Variants in RAPGEF6 observed in about 807,000 individuals in gnomAD.
RAPGEF6 encodes the protein Rap guanine nucleotide exchange factor 6.
RAPGEF6 carries 56 observed loss-of-function variants against 171.4 expected under a neutral mutation model. The observed-to-expected ratio is 0.33, with a 90% confidence interval of 0.26 to 0.41. The LOEUF is 0.41. RAPGEF6 is among the 10% of genes least tolerant of loss of function. The pLI is 1.00. For synonymous variants in RAPGEF6, 692 were observed against 650.1 expected (o/e 1.06, Z -0.98); for missense variants, 1,674 against 1,921.4 (o/e 0.87, Z 2.41).
intron 3 of RAPGEF6, among the ~76,000 whole-genome samples, chr5:131,601,176 G>A (rs1056587006): frequency 2.0e-5 from 3 of 151,430 alleles, no homozygotes; most frequent in African/African-American, 4.8e-5. Flanking sequence ...CTGAGGTCAC[G>A]AGTTCAAGAC....
chr5:131,616,325 G>A (rs186738447), intron 1 of RAPGEF6, among the ~76,000 whole-genome samples: 1 of 152,266 alleles, frequency 6.6e-6, no homozygotes, highest in Admixed American at 6.5e-5. Flanking sequence ...CAATTTAGTT[G>A]TTAAATGAAA....
At chr5:131,612,016 G>C (rs1764961247) in intron 1 of RAPGEF6, among the ~76,000 whole-genome samples, 1 of 151,946 alleles carries the variant, frequency 6.6e-6, no homozygotes, top group Non-Finnish European at 1.5e-5. Context: ...TGCATTCAGT[G>C]GACACTGAAT....
chr5:131,451,322 G>A (rs1285474949), intron 21 of RAPGEF6, among the ~76,000 whole-genome samples: 3 of 152,022 alleles, frequency 2.0e-5, no homozygotes, highest in Non-Finnish European at 4.4e-5. Flanking sequence ...AGTGGCTCAC[G>A]CCTGTAATCC....
chr5:131,435,227 T>C (rs923620186), intron 24 of RAPGEF6, among the ~76,000 whole-genome samples: 10 of 152,242 alleles, frequency 6.6e-5, no homozygotes, highest in Non-Finnish European at 1.5e-4. Context: ...TTGGCCTACG[T>C]GGACAGGAAC....
Position 131,492,608 on chromosome 5 carries a change from C to T in RAPGEF6, c.1705G>A (p.Asp569Asn), listed in dbSNP as rs1756356147. The change falls in exon 14 of 28, where the codon GAT (aspartate) becomes AAT (asparagine). Residue 569 changes from aspartate to asparagine, a missense_variant. Asp to Asn is a conservative substitution (Grantham distance 23). Around this residue, in one of 3 missense-constraint regions of RAPGEF6, gnomAD observed 1,116 missense variants for 1,321.5 expected, o/e 0.84. Transcript: ENST00000509018. ...TGATCACCACGTTTCAGTCCTGAAT[C>T]AGCAGCTTTGCTACCAGGTTCTACT... is the stretch of plus-strand genomic sequence containing the variant. Reference protein sequence around the residue: ...EGVEPGSKAADSGLKRGDQIM... With the variant: ...EGVEPGSKAANSGLKRGDQIM... 1 of 1,614,176 alleles carries T rather than the reference C, an allele frequency of 6.2e-7. No homozygotes were observed. Among genetic ancestry groups the T allele is most frequent in the Non-Finnish European group, 8.5e-7 (1 of 1,180,022 alleles).
intron 16 of RAPGEF6, among the ~76,000 whole-genome samples, chr5:131,474,809 G>A (rs1472359739): frequency 1.3e-5 from 2 of 152,118 alleles, no homozygotes; most frequent in African/African-American, 2.4e-5. Flanking sequence ...TTCTTTAATT[G>A]ACTTTTGAAA....
intron 22 of RAPGEF6, among the ~76,000 whole-genome samples, chr5:131,444,616 T>C (rs534279997): frequency 1.3e-5 from 2 of 152,200 alleles, no homozygotes; most frequent in Non-Finnish European, 2.9e-5. Flanking sequence ...TTTAACTAAA[T>C]GTTCAAATCC....
chr5:131,431,015 T>G lies in RAPGEF6; in HGVS notation c.4309A>C (p.Ser1437Arg). The G allele has an allele frequency of 6.2e-7, 1 of 1,614,222 alleles. No homozygotes were observed. The highest frequency in any genetic ancestry group is 8.5e-7 in the Non-Finnish European group (1 of 1,180,034). Residue 1437 changes from serine (S) to arginine (R), a missense_variant, in exon 26 of 28, where the codon AGT becomes CGT. Coordinates refer to ENST00000509018, the MANE Select transcript of RAPGEF6 (RefSeq NM_016340.6). ...GGTTCATACGTGTCAGACAGAGAAC[T>G]GGAGGAGGTCCAACTCTTTCTCTCT... ...SLERKSWTSSSSLSDTYEPNY... is the reference protein window; with the variant it reads ...SLERKSWTSSRSLSDTYEPNY...
intron 1 of RAPGEF6, among the ~76,000 whole-genome samples, chr5:131,622,502 G>A (rs1765651315): frequency 6.6e-6 from 1 of 152,198 alleles, no homozygotes; most frequent in South Asian, 2.1e-4. Flanking sequence ...TTAAAATAGT[G>A]GAGAATGTGT....
chr5:131,628,700 T>C (rs1766101377), intron 1 of RAPGEF6, among the ~76,000 whole-genome samples: 1 of 152,118 alleles, frequency 6.6e-6, no homozygotes, highest in Non-Finnish European at 1.5e-5. Context: ...CTGACTCCTG[T>C]TAGAGGATAA....
At chr5:131,448,379 T>C (rs949975343) in intron 21 of RAPGEF6, among the ~76,000 whole-genome samples, 1 of 152,186 alleles carries the variant, frequency 6.6e-6, no homozygotes, top group African/African-American at 2.4e-5. Context: ...TAAAAATCCA[T>C]AGCCAAGTCC....
At chr5:131,514,105 G>T (rs1300852781) in intron 7 of RAPGEF6, among the ~76,000 whole-genome samples, 1 of 151,994 alleles carries the variant, frequency 6.6e-6, no homozygotes, top group Non-Finnish European at 1.5e-5. Flanking sequence ...AGTATAAAAA[G>T]AATAAAATTA....
At chr5:131,600,459 T>C (rs1580654262) in intron 3 of RAPGEF6, among the ~76,000 whole-genome samples, 2 of 148,560 alleles carry the variant, frequency 1.3e-5, no homozygotes, top group Non-Finnish European at 1.5e-5. Context: ...GAGGCGGAGG[T>C]TGTAGTAAGC....
chr5:131,558,924 T>C (rs1198801144), intron 5 of RAPGEF6, among the ~76,000 whole-genome samples: 2 of 152,196 alleles, frequency 1.3e-5, no homozygotes, highest in Admixed American at 6.5e-5. Flanking sequence ...TTGATAAGTG[T>C]AGTGTTCCCT....
At chr5:131,506,269 T>C (rs1757365722) in intron 9 of RAPGEF6, among the ~76,000 whole-genome samples, 1 of 152,172 alleles carries the variant, frequency 6.6e-6, no homozygotes, top group South Asian at 2.1e-4. Context: ...GCCTTCTGAA[T>C]AGCTGGGACT....
At chr5:131,519,078 G>A (rs1481215285) in intron 7 of RAPGEF6, among the ~76,000 whole-genome samples, 1 of 152,144 alleles carries the variant, frequency 6.6e-6, no homozygotes, top group African/African-American at 2.4e-5. Flanking sequence ...CTGAGGTGAT[G>A]GAAATATTCT....
intron 27 of RAPGEF6, 100 bp from the exon 28 acceptor site, chr5:131,427,391 C>A: frequency 9.6e-7 from 1 of 1,040,270 alleles, no homozygotes; most frequent in Non-Finnish European, 1.4e-6. Context: ...ACAAAGAAAT[C>A]CTCTCAAACA....
intron 6 of RAPGEF6, among the ~76,000 whole-genome samples, chr5:131,543,401 G>A (rs1383289060): frequency 1.3e-5 from 2 of 152,020 alleles, no homozygotes; most frequent in Non-Finnish European, 2.9e-5. Context: ...AAAATACTGC[G>A]TTTACAGTGA....
At chr5:131,616,492 A>G (rs112586178) in intron 1 of RAPGEF6, among the ~76,000 whole-genome samples, 183 of 152,172 alleles carry the variant, frequency 1.2e-3, no homozygotes, top group African/African-American at 4.0e-3. Context: ...AATTCTCCTC[A>G]CTGTCCTTCT....
Sources: gnomAD v4.1 joint callset for allele counts (sites outside exome capture counted in the v4.1 genomes callset) on GRCh38, gnomAD v4.1.1 for gene constraint, gnomAD v4.1.1 regional missense constraint, MANE v1.5 for transcripts, NCBI Gene and HGNC (gene_info 2026-07-23, HGNC 2026-07-21) for gene names.